The following DNAH14 variants were observed in gnomAD, a reference collection of about 807,000 sequenced individuals.
DNAH14 encodes the protein axonemal beta dynein heavy chain 14.
DNAH14 carries 478 observed loss-of-function variants against 520.9 expected under a neutral mutation model. The ratio of observed to expected loss-of-function variants is 0.92; its 90% CI spans 0.85 to 0.99. The LOEUF is 0.99. Among genes scored for constraint, DNAH14 ranks in the 50% least tolerant of loss-of-function variants. DNAH14 has a pLI of 0.00. For missense variants in DNAH14, 4,831 were observed against 5,234.5 expected (o/e 0.92, Z 2.38); for synonymous variants, 1,581 against 1,757.2 (o/e 0.90, Z 2.51).
rs1017910638 is a variant in DNAH14 at position 225,353,865 on chromosome 1, A to G, written c.11596A>G (p.Thr3866Ala). 5 of 1,498,596 alleles carry G rather than the reference A, an allele frequency of 3.3e-6. No homozygotes were observed. The highest frequency in any genetic ancestry group is 4.5e-6 in the Non-Finnish European group (5 of 1,105,298). The allele number at this position is 1,498,596 out of a possible 1,614,324, so 92.8% of individuals were successfully genotyped here. Residue 3866 changes from threonine (T) to alanine (A), a missense_variant, in exon 73 of 86, where the codon ACT becomes GCT. Transcript: ENST00000682510. ...NPINFPWEKLTSFQRLILVKV... is the reference protein window; with the variant it reads ...NPINFPWEKLASFQRLILVKV... ...TATAAATTTTCCCTGGGAGAAACTCACTTCATTTCAAAGACTTATTTTGGT... is the reference window on the plus strand; with the variant it reads ...TATAAATTTTCCCTGGGAGAAACTCGCTTCATTTCAAAGACTTATTTTGGT...
intron 1 of DNAH14, among the ~76,000 whole-genome samples, chr1:224,930,628 C>T (rs1356524038): frequency 4.6e-5 from 7 of 152,026 alleles, no homozygotes; most frequent in Non-Finnish European, 1.0e-4. Flanking sequence ...GACGGAGCCT[C>T]GCTCTGTCGC....
At chr1:225,222,566 A>T (rs1359814903) in intron 41 of DNAH14, among the ~76,000 whole-genome samples, 1 of 152,076 alleles carries the variant, frequency 6.6e-6, no homozygotes, top group Non-Finnish European at 1.5e-5. Context: ...GTCCCTGCCC[A>T]TGTCCTGCTG....
chr1:224,969,026 C>T lies in DNAH14; in HGVS notation c.767+152C>T, dbSNP rs2061355266. Reference sequence around the variant, plus strand: ...AATTTTTTACGGAACACCCCATTTCCTCTGTAACTTATGAAGAAATGCCAA... The same window carrying T: ...AATTTTTTACGGAACACCCCATTTCTTCTGTAACTTATGAAGAAATGCCAA... On this transcript the variant is annotated intron_variant, in intron 7 of 85. Transcript: ENST00000682510. The T allele has an allele frequency of 6.0e-6, 3 of 502,328 alleles. No homozygotes were observed. In the South Asian group the frequency reaches 9.9e-5, roughly 17 times the overall value. The allele number at this position is 502,328 out of a possible 1,614,324, so 31.1% of individuals were successfully genotyped here. A position where few individuals can be genotyped will look rare whatever the true frequency, so the allele number is the denominator to read the frequency against.
intron 76 of DNAH14, among the ~76,000 whole-genome samples, chr1:225,366,783 T>C (rs903420628): frequency 1.5e-4 from 23 of 149,710 alleles, no homozygotes; most frequent in African/African-American, 5.4e-4. Flanking sequence ...ACTCCAGGGG[T>C]TGTAAAAACC....
At chr1:225,246,971 G>T (rs1030261552) in intron 43 of DNAH14, among the ~76,000 whole-genome samples, 1 of 152,182 alleles carries the variant, frequency 6.6e-6, no homozygotes, top group Non-Finnish European at 1.5e-5. Flanking sequence ...GACTTGGAAT[G>T]AACCCAAATG....
intron 27 of DNAH14, among the ~76,000 whole-genome samples, chr1:225,139,644 TAAC>T (rs750995805): frequency 1.3e-5 from 2 of 152,178 alleles, no homozygotes; most frequent in Non-Finnish European, 2.9e-5. Context: ...TATAAATAAA[TAAC>T]AAACAGTAAT....
At chr1:225,269,352 G>A (rs549173451) in intron 49 of DNAH14, among the ~76,000 whole-genome samples, 1 of 152,290 alleles carries the variant, frequency 6.6e-6, no homozygotes, top group South Asian at 2.1e-4. Flanking sequence ...AGACTTAAAT[G>A]TTAGACCTAA....
At position 225,377,386 on chromosome 1, in the gene DNAH14, A is replaced by C; in HGVS notation, c.12666A>C (p.Glu4222Asp). Residue 4222 changes from glutamate to aspartate, a missense_variant, in exon 79 of 86, where the codon GAA (glutamate) becomes GAC (aspartate). Coordinates refer to ENST00000682510, the MANE Select transcript of DNAH14 (RefSeq NM_001367479.1). ...AGACCCAGGGCGAAAAGTTTATTGA[A>C]AATCTGATTGCCATGCAACCAAAAA... ...CWETQGEKFI[E>D]NLIAMQPKTT... 6.4e-7 allele frequency: 1 copy of C among 1,551,334 alleles called. No homozygotes were observed. The highest frequency in any genetic ancestry group is 2.0e-5 in the Admixed American group (1 of 50,936).
intron 11 of DNAH14, among the ~76,000 whole-genome samples, chr1:225,026,090 A>T (rs556390199): frequency 2.0e-5 from 3 of 151,922 alleles, no homozygotes; most frequent in Non-Finnish European, 4.4e-5. Flanking sequence ...TCAGCCTCCC[A>T]CATAGCTGGG....
At chr1:225,199,065 G>A (rs576947309) in intron 38 of DNAH14, among the ~76,000 whole-genome samples, 26 of 152,124 alleles carry the variant, frequency 1.7e-4, no homozygotes, top group African/African-American at 6.3e-4. Flanking sequence ...CCTTATTTAA[G>A]CTAAGAGGGT....
Position 225,140,947 on chromosome 1 carries a change from T to A in DNAH14, c.4434T>A (p.Tyr1478Ter). 6.4e-7 allele frequency: 1 copy of A among 1,551,464 alleles called. No homozygotes were observed. The highest frequency in any genetic ancestry group is 8.7e-7 in the Non-Finnish European group (1 of 1,146,892). The change falls in exon 28 of 86, where the codon TAT becomes TAA. Residue 1478 changes from tyrosine (Y) to a stop codon, truncating the protein, a stop_gained. Transcript: ENST00000682510. LOFTEE classifies it high-confidence loss of function. Reference sequence around the variant, plus strand: ...TACTAGGGGCATTGCTTATCCTTTATGTTCACTGCAGAGATATAGTGATAA... The same window carrying A: ...TACTAGGGGCATTGCTTATCCTTTAAGTTCACTGCAGAGATATAGTGATAA... Reference protein sequence around the residue: ...KAILGALLILYVHCRDIVINL... With the variant: ...KAILGALLIL
intron 11 of DNAH14, among the ~76,000 whole-genome samples, chr1:225,032,253 C>T (rs2066585469): frequency 6.6e-6 from 1 of 151,782 alleles, no homozygotes; most frequent in Non-Finnish European, 1.5e-5. Flanking sequence ...TCAAGTAGAC[C>T]CCAGTGTCTG....
At chr1:225,041,108 A>C in intron 12 of DNAH14, among the ~76,000 whole-genome samples, 1 of 152,222 alleles carries the variant, frequency 6.6e-6, no homozygotes, top group East Asian at 1.9e-4. Flanking sequence ...ATGAACGAGC[A>C]GACTGCCACT....
intron 7 of DNAH14, among the ~76,000 whole-genome samples, chr1:224,972,575 C>T (rs1424990940): frequency 2.0e-5 from 3 of 151,972 alleles, no homozygotes; most frequent in Non-Finnish European, 2.9e-5. Flanking sequence ...ACACGATTCT[C>T]CTGCCTCAGC....
At chr1:225,146,049 A>G (rs1413372189) in intron 30 of DNAH14, among the ~76,000 whole-genome samples, 1 of 152,184 alleles carries the variant, frequency 6.6e-6, no homozygotes, top group Non-Finnish European at 1.5e-5. Flanking sequence ...AACATAAATA[A>G]GTTGATCAAT....
At chr1:225,269,936 T>C (rs1174645776) in intron 49 of DNAH14, among the ~76,000 whole-genome samples, 1 of 152,188 alleles carries the variant, frequency 6.6e-6, no homozygotes, top group African/African-American at 2.4e-5. Flanking sequence ...GATCTAGAAC[T>C]AGAAATACCA....
rs182091190 is a variant in DNAH14 at position 225,292,885 on chromosome 1, T to A, written c.8469+2803T>A. 1.4e-3 allele frequency among the ~76,000 whole-genome samples: 218 copies of A among 152,278 alleles called. 4 individuals carry two copies. The East Asian group carries it at 0.031, about 22-fold the overall frequency. On this transcript the variant is annotated intron_variant, in intron 55 of 85. Transcript: ENST00000682510. The stretch of plus-strand genomic sequence containing the variant: ...GCTATTCTAAATGGGATTGCCTTTT[T>A]AATTTTTTTCACCTAGTTTGCTGTT...
At chr1:224,986,963 A>G (rs998108181) in intron 8 of DNAH14, among the ~76,000 whole-genome samples, 3 of 152,248 alleles carry the variant, frequency 2.0e-5, no homozygotes, top group African/African-American at 7.2e-5. Context: ...ATTTGAATTA[A>G]TAAACAAATT....
Position 225,380,177 on chromosome 1 carries a change from T to G in DNAH14, c.12735T>G (p.Asp4245Glu), listed in dbSNP as rs1282057350. 4 of 1,551,474 alleles carry G rather than the reference T, an allele frequency of 2.6e-6. No individual in the cohort carries two copies. Among genetic ancestry groups the G allele is most frequent in the Non-Finnish European group, 3.5e-6 (4 of 1,146,950 alleles). ...TTTGCAGACCTGAGCAGAGTAAGGA[T>G]GAACTGGTGATGGAAATTCTATCCG... ...NLMIRPEQSKDELVMEILSDL... is the reference protein window; with the variant it reads ...NLMIRPEQSKEELVMEILSDL... The change falls in exon 80 of 86, where the codon GAT (aspartate) becomes GAG (glutamate). Residue 4245 changes from aspartate (D) to glutamate (E), a missense_variant. Asp to Glu is a conservative substitution (Grantham distance 45). Coordinates refer to ENST00000682510, the MANE Select transcript of DNAH14 (RefSeq NM_001367479.1).
Sources: allele counts gnomAD v4.1 joint callset (sites outside exome capture counted in the v4.1 genomes callset), GRCh38; gene constraint gnomAD v4.1.1; transcripts MANE v1.5; gene names NCBI Gene and HGNC (gene_info 2026-07-23, HGNC 2026-07-21).